The following PAQR3 variants were observed in gnomAD, a reference collection of about 807,000 sequenced individuals.
PAQR3 encodes progestin and adipoQ receptor family member 3, also known as Raf kinase trapping to Golgi.
Under a neutral mutation model 41.7 loss-of-function variants are expected in PAQR3, and 39 were observed. The ratio of observed to expected loss-of-function variants is 0.93; its 90% CI spans 0.72 to 1.22. The LOEUF is 1.22. PAQR3 is among the 50% of genes most tolerant of loss of function. PAQR3 has a pLI of 0.00. For synonymous variants in PAQR3, 140 were observed against 140.6 expected, an observed-to-expected ratio of 1.00 and a Z score of 0.03; for missense variants, 366 against 385.6, an observed-to-expected ratio of 0.95 and a Z score of 0.42.
chr4:78,919,478 A>G lies in PAQR3; in HGVS notation c.*1061T>C. 1.0e-6 allele frequency: 1 copy of G among 985,126 alleles called. No homozygotes were observed. The highest frequency in any genetic ancestry group is 1.2e-6 in the Non-Finnish European group (1 of 829,734). 61.0% of individuals were successfully genotyped at this position (985,126 alleles called of 1,614,324 possible). A position where few individuals can be genotyped will look rare whatever the true frequency, so the allele number is the denominator to read the frequency against. On this transcript the variant is annotated 3_prime_UTR_variant, in exon 6 of 6. Coordinates refer to ENST00000512733, the MANE Select transcript of PAQR3 (RefSeq NM_001040202.2). ...GCCCAAATATTAAGTGTTTATCAAG[A>G]TTCTGAGTTATCAATGCAATGCTAA...
intron 11 of PAQR3, among the ~76,000 whole-genome samples, chr4:78,891,518 C>T (rs1412121628): frequency 6.6e-6 from 1 of 152,042 alleles, no homozygotes; most frequent in Non-Finnish European, 1.5e-5. Flanking sequence ...GATATTGTGC[C>T]GTTTGGATTG....
intron 11 of PAQR3, among the ~76,000 whole-genome samples, chr4:78,893,445 C>T (rs1034966111): frequency 7.9e-5 from 12 of 152,138 alleles, no homozygotes; most frequent in South Asian, 2.1e-4. Context: ...TTACGAATCA[C>T]GAATGATTTT....
In PAQR3 at chr4:78,926,095, T is replaced by A. The variant is rs187499003; in HGVS notation, c.702+426A>T. Reference sequence around the variant, plus strand: ...ACATCCAATGGGTACCCCACACTCATCGGGTCCAACAAAAAAAATCCTTCC... The same window carrying A: ...ACATCCAATGGGTACCCCACACTCAACGGGTCCAACAAAAAAAATCCTTCC... On this transcript the variant is annotated intron_variant, in intron 4 of 5. Transcript: ENST00000512733. 2.2e-3 allele frequency among the ~76,000 whole-genome samples: 329 copies of A among 152,174 alleles called. 1 individual carries two copies. The highest frequency in any genetic ancestry group is 7.5e-3 in the African/African-American group (312 of 41,532).
downstream of PAQR3, chr4:78,910,672 A>G (rs374462477): frequency 1.7e-5 from 28 of 1,604,158 alleles, no homozygotes; most frequent in Admixed American, 3.4e-5. Flanking sequence ...TGCAAACCCT[A>G]TCAAGAACGG....
intron 4 of PAQR3, among the ~76,000 whole-genome samples, chr4:78,925,705 A>G (rs1290076301): frequency 6.6e-6 from 1 of 152,136 alleles, no homozygotes; most frequent in Non-Finnish European, 1.5e-5. Context: ...CAAAGGTACC[A>G]TTGCAATGAG....
Position 78,919,254 on chromosome 4 carries a change from A to G in PAQR3, c.*1285T>C. ...TTCTGAAAATACACCAGTATTTAAA[A>G]CAGCTCATGTCAACTCATGAAGAAA... On this transcript the variant is annotated 3_prime_UTR_variant, in exon 6 of 6. Coordinates refer to ENST00000512733, the MANE Select transcript of PAQR3 (RefSeq NM_001040202.2). 1 of 984,460 alleles carries G rather than the reference A, an allele frequency of 1.0e-6. No individual in the cohort carries two copies. Among genetic ancestry groups the G allele is most frequent in the Non-Finnish European group, 1.2e-6 (1 of 829,168 alleles). 61.0% of individuals were successfully genotyped at this position (984,460 alleles called of 1,614,324 possible).
chr4:78,932,525 T>A (rs1394135239), intron 2 of PAQR3, among the ~76,000 whole-genome samples: 1 of 152,116 alleles, frequency 6.6e-6, no homozygotes, highest in Non-Finnish European at 1.5e-5. Flanking sequence ...TAGCTATGCA[T>A]ACACAAACAT....
At chr4:78,929,252 T>C (rs1736569337) in intron 3 of PAQR3, among the ~76,000 whole-genome samples, 1 of 152,128 alleles carries the variant, frequency 6.6e-6, no homozygotes, top group South Asian at 2.1e-4. Context: ...GGTATACTGC[T>C]CCTGAGGGAG....
intron 11 of PAQR3, among the ~76,000 whole-genome samples, chr4:78,901,229 TA>T (rs763663278): frequency 1.9e-3 from 271 of 146,092 alleles, no homozygotes; most frequent in African/African-American, 6.7e-3. Context: ...TTTATTTTAT[TA>T]TTTTTTTTTT....
intron 11 of PAQR3, among the ~76,000 whole-genome samples, chr4:78,903,971 A>T (rs1477931359): frequency 3.3e-5 from 5 of 151,998 alleles, no homozygotes; most frequent in Non-Finnish European, 7.4e-5. Flanking sequence ...ATAGTCTTAA[A>T]TTTAGGCAGG....
downstream of PAQR3, chr4:78,910,653 A>T: frequency 6.4e-7 from 1 of 1,565,556 alleles, no homozygotes; most frequent in Non-Finnish European, 8.6e-7. Context: ...TAAATCAAGA[A>T]AATGGCACTG....
At chr4:78,923,294 T>C (rs1232126638) in intron 5 of PAQR3, among the ~76,000 whole-genome samples, 3 of 152,070 alleles carry the variant, frequency 2.0e-5, no homozygotes, top group East Asian at 1.9e-4. Flanking sequence ...GATGTACATA[T>C]TGTGAAGTGA....
chr4:78,933,143 A>G, intron 2 of PAQR3: 1 of 455,824 alleles, frequency 2.2e-6, no homozygotes, highest in South Asian at 1.6e-5. Context: ...GCCCTGCCTC[A>G]CTGTCTCTTC....
chr4:78,903,960 T>C (rs1354899798), intron 11 of PAQR3, among the ~76,000 whole-genome samples: 1 of 151,978 alleles, frequency 6.6e-6, no homozygotes, highest in Non-Finnish European at 1.5e-5. Context: ...GGCTTTGATA[T>C]ATAGTCTTAA....
intron 11 of PAQR3, among the ~76,000 whole-genome samples, chr4:78,895,452 G>T (rs555930692): frequency 6.6e-6 from 1 of 152,046 alleles, no homozygotes; most frequent in African/African-American, 2.4e-5. Flanking sequence ...TTGATTAAAG[G>T]TTGAAATCCC....
chr4:78,910,016 C>T (rs958327914), downstream of PAQR3, among the ~76,000 whole-genome samples: 8 of 152,184 alleles, frequency 5.3e-5, no homozygotes, highest in Non-Finnish European at 1.2e-4. Context: ...GTCATATCAT[C>T]TAGAGAAGGC....
chr4:78,938,969 G>C, intron 1 of PAQR3, 71 bp downstream of exon 1: 2 of 1,420,802 alleles, frequency 1.4e-6, no homozygotes, highest in Non-Finnish European at 1.9e-6. Flanking sequence ...GGGGAAAGCA[G>C]AAGGGGGACC....
intron 2 of PAQR3, chr4:78,933,238 G>A: frequency 4.4e-6 from 2 of 456,228 alleles, no homozygotes; most frequent in Non-Finnish European, 8.8e-6. Context: ...GTGTCTGGAT[G>A]TATATAGGAC....
At chr4:78,889,220 C>CA (rs71661191) in intron 11 of PAQR3, among the ~76,000 whole-genome samples, 5,120 of 52,242 alleles carry the variant, frequency 0.098, 343 homozygotes, top group African/African-American at 0.15. Flanking sequence ...GACTCTGTCT[C>CA]AAAAAAAAAA....
Sources: allele counts gnomAD v4.1 joint callset (sites outside exome capture counted in the v4.1 genomes callset), GRCh38; gene constraint gnomAD v4.1.1; transcripts MANE v1.5; gene names NCBI Gene and HGNC (gene_info 2026-07-23, HGNC 2026-07-21).